TMTC2: variants seen among roughly 807,000 people sequenced by gnomAD.
TMTC2 encodes the protein protein O-mannosyl-transferase TMTC2.
A neutral mutation model predicts 82.4 loss-of-function variants in TMTC2; 43 were observed. The ratio of observed to expected loss-of-function variants is 0.52; its 90% CI spans 0.41 to 0.67. TMTC2 has a LOEUF of 0.67. Among genes scored for constraint, TMTC2 ranks in the 30% least tolerant of loss-of-function variants. The pLI is 0.00. For missense variants in TMTC2, 919 were observed against 1,012.4 expected (o/e 0.91, Z 1.25); for synonymous variants, 408 against 381.9 (o/e 1.07, Z -0.80).
chr12:82,812,248 C>CACTGCATGTAATTTCA (rs1239069003), intron 1 of TMTC2, among the ~76,000 whole-genome samples: 1 of 152,052 alleles, frequency 6.6e-6, no homozygotes, highest in African/African-American at 2.4e-5. Context: ...CTCAGACTGT[C>CACTGCATGTAATTTCA]ACTGCATGTA....
intron 1 of TMTC2, among the ~76,000 whole-genome samples, chr12:82,843,031 A>G (rs1870425023): frequency 6.6e-6 from 1 of 152,216 alleles, no homozygotes. Flanking sequence ...AGAGCAGTAG[A>G]CAAAGAGCAG....
Position 82,857,024 on chromosome 12 carries a change from C to G in TMTC2, c.98C>G (p.Thr33Ser). Residue 33 changes from threonine (T) to serine (S), a missense_variant, in exon 2 of 12, where the codon ACT (threonine) becomes AGT (serine). Coordinates refer to ENST00000321196, the MANE Select transcript of TMTC2 (RefSeq NM_152588.3). ...FCYDDSRAIK[T>S]NQDLLPETPW... ...TTGTTTTTTAGCCGTGCTATCAAGA[C>G]TAATCAGGACCTTCTCCCAGAAACT... is the stretch of plus-strand genomic sequence containing the variant. The G allele has an allele frequency of 6.2e-7, 1 of 1,612,204 alleles. No homozygotes were observed. Among genetic ancestry groups the G allele is most frequent in the Non-Finnish European group, 8.5e-7 (1 of 1,179,622 alleles).
intron 11 of TMTC2, among the ~76,000 whole-genome samples, chr12:83,128,410 A>C (rs1885159005): frequency 6.6e-6 from 1 of 152,072 alleles, no homozygotes; most frequent in African/African-American, 2.4e-5. Flanking sequence ...TTCTGCTTAA[A>C]AAAAAAAAGA....
chr12:82,896,183 A>G lies in TMTC2; in HGVS notation c.1020A>G (p.Lys340=), dbSNP rs757851826. 2 of 1,614,036 alleles carry G rather than the reference A, an allele frequency of 1.2e-6. No homozygotes were observed. The highest frequency in any genetic ancestry group is 1.7e-6 in the Non-Finnish European group (2 of 1,180,026). The change falls in exon 3 of 12, where the codon AAA becomes AAG. Residue 340 remains lysine, a synonymous_variant. Transcript: ENST00000321196. The part of the protein sequence containing the change: ...SPSVDRECNG[K]TVTNGKQNAN... ...GCGTAGACAGAGAATGCAATGGGAA[A>G]ACTGTAACAAATGGCAAGCAGAATG...
intron 2 of TMTC2, among the ~76,000 whole-genome samples, chr12:82,888,637 A>G (rs1873227075): frequency 6.6e-6 from 1 of 152,178 alleles, no homozygotes; most frequent in South Asian, 2.1e-4. Context: ...GAGTTAGCAT[A>G]ATGGTATAAA....
chr12:82,797,704 G>A (rs1388779027), intron 1 of TMTC2, among the ~76,000 whole-genome samples: 1 of 151,968 alleles, frequency 6.6e-6, no homozygotes, highest in African/African-American at 2.4e-5. Flanking sequence ...TCTGACAGTG[G>A]TTTTCTGGCT....
intron 1 of TMTC2, among the ~76,000 whole-genome samples, chr12:82,761,751 C>T (rs1483040027): frequency 1.3e-5 from 2 of 152,138 alleles, no homozygotes; most frequent in African/African-American, 4.8e-5. Flanking sequence ...GGTTTTCTGT[C>T]AGTGAAGGGT....
intron 1 of TMTC2, among the ~76,000 whole-genome samples, chr12:82,815,347 G>A (rs1263264375): frequency 6.7e-6 from 1 of 149,372 alleles, no homozygotes; most frequent in East Asian, 2.0e-4. Context: ...GTCTTGCTCT[G>A]TCCCCCAGGC....
chr12:82,700,343 G>A (rs182095250), intron 1 of TMTC2, among the ~76,000 whole-genome samples: 1 of 152,034 alleles, frequency 6.6e-6, no homozygotes, highest in East Asian at 1.9e-4. Flanking sequence ...TTCATTAATG[G>A]TATTGTTGAA....
rs189055631 is a variant in TMTC2 at position 83,013,225 on chromosome 12, T to A, written c.2071-17573T>A. Reference sequence around the variant, plus strand: ...TGAGGATTTTTTAATAATGATATTGTAGATATCCAAACATTTATGAAATTA... The same window carrying A: ...TGAGGATTTTTTAATAATGATATTGAAGATATCCAAACATTTATGAAATTA... On this transcript the variant is annotated intron_variant, in intron 8 of 11. Coordinates refer to ENST00000321196, the MANE Select transcript of TMTC2 (RefSeq NM_152588.3). Among the ~76,000 whole-genome samples, 357 of 152,304 alleles carry A rather than the reference T, an allele frequency of 2.3e-3. 3 individuals are homozygous for A. The highest frequency in any genetic ancestry group is 8.2e-3 in the African/African-American group (341 of 41,592).
intron 2 of TMTC2, among the ~76,000 whole-genome samples, chr12:82,892,577 A>G (rs1243368787): frequency 6.6e-6 from 1 of 152,206 alleles, no homozygotes; most frequent in Non-Finnish European, 1.5e-5. Context: ...AAGGCTAACT[A>G]CTTCTGGAGT....
At chr12:83,094,460 G>C (rs1207545008) in intron 11 of TMTC2, among the ~76,000 whole-genome samples, 1 of 152,172 alleles carries the variant, frequency 6.6e-6, no homozygotes, top group Non-Finnish European at 1.5e-5. Flanking sequence ...TCAGCGGCGA[G>C]ATTATCAAAA....
intron 1 of TMTC2, among the ~76,000 whole-genome samples, chr12:82,742,962 G>A (rs1875496282): frequency 6.6e-6 from 1 of 152,172 alleles, no homozygotes; most frequent in Non-Finnish European, 1.5e-5. Flanking sequence ...TACGTAGACA[G>A]TTGCCTTTCT....
intron 1 of TMTC2, among the ~76,000 whole-genome samples, chr12:82,795,134 A>T (rs11115429): frequency 0.023 from 3,476 of 151,490 alleles, 146 homozygotes; most frequent in African/African-American, 0.08. Context: ...GTGAAACCCC[A>T]TATCTACTAA....
chr12:83,123,594 G>A (rs544683473), intron 11 of TMTC2, among the ~76,000 whole-genome samples: 1 of 152,198 alleles, frequency 6.6e-6, no homozygotes, highest in South Asian at 2.1e-4. Context: ...TGCATTTTAA[G>A]TAAGGACTTA....
At chr12:82,729,766 G>C (rs767762776) in intron 1 of TMTC2, among the ~76,000 whole-genome samples, 1 of 152,202 alleles carries the variant, frequency 6.6e-6, no homozygotes, top group Non-Finnish European at 1.5e-5. Context: ...GCCGTTTTCC[G>C]TGCTGTGGTA....
At chr12:82,875,917 AAAAGAAAGAAAACTGAGC>A (rs1427215106) in intron 2 of TMTC2, among the ~76,000 whole-genome samples, 1 of 151,448 alleles carries the variant, frequency 6.6e-6, no homozygotes. Context: ...AAAAAAAAAA[AAAAGAAAGAAAACTGAGC>A]AGTAAATGTT....
intron 8 of TMTC2, 79 bp downstream of exon 8, chr12:82,986,125 T>G (rs1450577979): frequency 1.3e-6 from 2 of 1,584,694 alleles, no homozygotes; most frequent in African/African-American, 2.7e-5. Context: ...AGGTACTGTT[T>G]TACAGCCAGT....
intron 11 of TMTC2, among the ~76,000 whole-genome samples, chr12:83,073,049 G>T (rs896893062): frequency 1.9e-4 from 28 of 149,124 alleles, no homozygotes; most frequent in East Asian, 5.9e-4. Flanking sequence ...GTGTACTTTG[G>T]TTTTTTTTTT....
Sources: gnomAD v4.1 joint callset for allele counts (sites outside exome capture counted in the v4.1 genomes callset) on GRCh38, gnomAD v4.1.1 for gene constraint, MANE v1.5 for transcripts, NCBI Gene and HGNC (gene_info 2026-07-23, HGNC 2026-07-21) for gene names.